PPM1B: variants seen among roughly 807,000 people sequenced by gnomAD.
PPM1B encodes the protein protein phosphatase, Mg2+/Mn2+ dependent 1B.
A neutral mutation model predicts 43.0 loss-of-function variants in PPM1B; 22 were observed. That is an observed-to-expected ratio of 0.51 (90% confidence interval 0.37 to 0.73). PPM1B has a LOEUF of 0.73. Among genes scored for constraint, PPM1B ranks in the 30% least tolerant of loss-of-function variants. The probability of loss-of-function intolerance (pLI) is 0.00; values close to 1 mark genes in which losing one functional copy is unlikely to be tolerated. For missense variants in PPM1B, 632 were observed against 584.2 expected (o/e 1.08, Z -0.84); for synonymous variants, 217 against 197.9 (o/e 1.10, Z -0.81).
intron 5 of PPM1B, among the ~76,000 whole-genome samples, chr2:44,225,509 G>A (rs1239147903): frequency 6.6e-6 from 1 of 152,200 alleles, no homozygotes; most frequent in African/African-American, 2.4e-5. Context: ...CCAGAGTGAT[G>A]AGAAAATGTA....
At chr2:44,233,000 C>T (rs1000803456), downstream of PPM1B, 3 of 980,278 alleles carry the variant, frequency 3.1e-6, no homozygotes, top group East Asian at 1.1e-4. Flanking sequence ...CATGTATCTA[C>T]TGCATCCTTC....
chr2:44,183,825 G>A (rs552642535), intron 1 of PPM1B, among the ~76,000 whole-genome samples: 3 of 152,092 alleles, frequency 2.0e-5, no homozygotes, highest in Non-Finnish European at 4.4e-5. Context: ...TGCAAGCTCC[G>A]CCTTCCGGGT....
At chr2:44,200,375 A>G (rs1467157959) in intron 1 of PPM1B, among the ~76,000 whole-genome samples, 1 of 152,206 alleles carries the variant, frequency 6.6e-6, no homozygotes, top group Non-Finnish European at 1.5e-5. Context: ...ATAAAATAGT[A>G]AAGTTGGGTA....
intron 1 of PPM1B, among the ~76,000 whole-genome samples, chr2:44,183,981 G>A (rs148504631): frequency 0.021 from 3,166 of 152,162 alleles, 104 homozygotes; most frequent in African/African-American, 0.072. Context: ...CTCGTGATCC[G>A]CCCGCCTCGG....
At chr2:44,209,369 G>A (rs747979431) in intron 3 of PPM1B, 42 bp downstream of exon 3, 104 of 1,603,718 alleles carry the variant, frequency 6.5e-5, no homozygotes, top group Non-Finnish European at 8.3e-5. Flanking sequence ...GGCCAGGCAC[G>A]GTAGCTCATG....
intron 5 of PPM1B, among the ~76,000 whole-genome samples, chr2:44,220,595 C>T (rs567293620): frequency 4.1e-4 from 62 of 152,316 alleles, no homozygotes; most frequent in Admixed American, 9.1e-4. Context: ...AGTGGATTCA[C>T]AGAGGGAGAA....
At chr2:44,180,009 CAAAAAAAAAA>C (rs766537523) in intron 1 of PPM1B, among the ~76,000 whole-genome samples, 2 of 83,678 alleles carry the variant, frequency 2.4e-5, no homozygotes, top group Admixed American at 1.3e-4. Flanking sequence ...AACTTCGTTC[CAAAAAAAAAA>C]AAAAAAAAAG....
downstream of PPM1B, among the ~76,000 whole-genome samples, chr2:44,246,349 C>T (rs891790897): frequency 1.3e-5 from 2 of 151,998 alleles, no homozygotes; most frequent in African/African-American, 4.8e-5. Context: ...TTTATTTGTT[C>T]CTATTAAGTT....
chr2:44,242,584 A>G lies in PPM1B; in HGVS notation n.1547-1644A>G, dbSNP rs74943722. Among the ~76,000 whole-genome samples, 1,109 of 152,316 alleles carry G rather than the reference A, an allele frequency of 7.3e-3. 8 individuals carry two copies. Among genetic ancestry groups the G allele is most frequent in the African/African-American group, 0.025 (1,048 of 41,562 alleles). ...TACACATTTACAATCTTAATAGTAT[A>G]CAAGAGTAGCTATGTTTTTCACTTT... is the stretch of plus-strand genomic sequence containing the variant. On this transcript the variant is annotated intron_variant and non_coding_transcript_variant, in intron 5 of 5. Coordinates refer to the PPM1B transcript ENST00000378540.
chr2:44,212,420 G>A (rs1309936429), intron 3 of PPM1B, among the ~76,000 whole-genome samples: 3 of 152,208 alleles, frequency 2.0e-5, no homozygotes, highest in East Asian at 3.9e-4. Context: ...GCTTACTGTG[G>A]TTAGGCATGA....
downstream of PPM1B, chr2:44,234,200 C>T (rs1205916810): frequency 1.0e-6 from 1 of 983,350 alleles, no homozygotes; most frequent in African/African-American, 1.7e-5. Context: ...CTTCTGTACT[C>T]TAGAAATATT....
chr2:44,205,405 A>G (rs929004867), intron 2 of PPM1B, among the ~76,000 whole-genome samples: 3 of 137,200 alleles, frequency 2.2e-5, no homozygotes, highest in African/African-American at 9.4e-5. Context: ...TTCGGTTTTC[A>G]TGGTCTGAGA....
intron 2 of PPM1B, among the ~76,000 whole-genome samples, chr2:44,206,441 T>G (rs1669191747): frequency 6.6e-6 from 1 of 152,234 alleles, no homozygotes; most frequent in Admixed American, 6.5e-5. Context: ...GCAACATCAC[T>G]GAAATCACAC....
chr2:44,218,481 C>T lies in PPM1B; in HGVS notation c.1078C>T (p.Arg360Cys), dbSNP rs747998488. 45 of 1,565,304 alleles carry T rather than the reference C, an allele frequency of 2.9e-5. No individual in the cohort carries two copies. Among genetic ancestry groups the T allele is most frequent in the Admixed American group, 4.1e-5 (2 of 49,178 alleles). Residue 360 changes from arginine to cysteine, a missense_variant and splice_region_variant, in exon 5 of 6, where the codon CGT becomes TGT. Physicochemically the swap from Arg to Cys is radical, Grantham distance 180 (BLOSUM62 -3). Transcript: ENST00000282412. ...CTAAAGCATGTTTTTTTTTTTTAGG[C>T]GTAATGTTATTGAAGCTGTTTATAG... ...LPPGGGLAGK[R>C]NVIEAVYSRL...
At chr2:44,189,857 A>T (rs1449075240) in intron 1 of PPM1B, among the ~76,000 whole-genome samples, 1 of 151,954 alleles carries the variant, frequency 6.6e-6, no homozygotes, top group Non-Finnish European at 1.5e-5. Context: ...TCTTGCCCCC[A>T]TTTCCTGCTC....
chr2:44,202,128 A>T (rs1472164560), intron 2 of PPM1B, 83 bp downstream of exon 2: 20 of 1,312,734 alleles, frequency 1.5e-5, no homozygotes, highest in Middle Eastern at 2.5e-4. Flanking sequence ...TTAAAATTTT[A>T]AAACTTTTAA....
At chr2:44,229,408 A>T (rs139014203) in intron 5 of PPM1B, among the ~76,000 whole-genome samples, 1 of 152,200 alleles carries the variant, frequency 6.6e-6, no homozygotes, top group Non-Finnish European at 1.5e-5. Context: ...AAGTTTATCA[A>T]TCAAGCACAT....
At chr2:44,182,144 A>T (rs546298358) in intron 1 of PPM1B, among the ~76,000 whole-genome samples, 184 of 152,234 alleles carry the variant, frequency 1.2e-3, no homozygotes, top group African/African-American at 4.2e-3. Context: ...TTTGGTCAGG[A>T]ATATTGGTGT....
At chr2:44,196,234 G>C (rs2104101285) in intron 1 of PPM1B, among the ~76,000 whole-genome samples, 1 of 152,294 alleles carries the variant, frequency 6.6e-6, no homozygotes, top group South Asian at 2.1e-4. Flanking sequence ...TTAGGCCCCT[G>C]TTGGCTGTGG....
Sources: gnomAD v4.1 joint callset for allele counts (sites outside exome capture counted in the v4.1 genomes callset) on GRCh38, gnomAD v4.1.1 for gene constraint, MANE v1.5 for transcripts, NCBI Gene and HGNC (gene_info 2026-07-23, HGNC 2026-07-21) for gene names.